The following SASH1 variants were observed in gnomAD, a reference collection of about 807,000 sequenced individuals.
SASH1 encodes SAM and SH3 domain-containing protein 1.
SASH1 carries 44 observed loss-of-function variants against 125.2 expected under a neutral mutation model. That is an observed-to-expected ratio of 0.35 (90% CI 0.28 to 0.45). The LOEUF is 0.45. SASH1 is among the 20% of genes least tolerant of loss of function. The pLI is 1.00. For synonymous variants in SASH1, 639 were observed against 649.1 expected, an observed-to-expected ratio of 0.98 and a Z score of 0.24; for missense variants, 1,426 against 1,614.5, an observed-to-expected ratio of 0.88 and a Z score of 2.00.
intron 4 of SASH1, among the ~76,000 whole-genome samples, chr6:148,443,877 G>C (rs768123841): frequency 6.6e-6 from 1 of 152,206 alleles, no homozygotes; most frequent in African/African-American, 2.4e-5. Flanking sequence ...GAGCCTTGCT[G>C]TTGAGTACAG....
chr6:148,420,202 A>G (rs1486886224), intron 2 of SASH1, among the ~76,000 whole-genome samples: 6 of 152,164 alleles, frequency 3.9e-5, no homozygotes, highest in South Asian at 2.1e-4. Context: ...GAATCTTGAT[A>G]GTGTGCGTGT....
the SASH1 span, among the ~76,000 whole-genome samples, chr6:148,266,697 C>A: frequency 4.6e-5 from 7 of 152,134 alleles, no homozygotes; most frequent in Non-Finnish European, 7.3e-5. Context: ...ACTTCCTGGG[C>A]TCAAGTGATC....
chr6:148,531,373 T>A (rs1427540306), intron 12 of SASH1, among the ~76,000 whole-genome samples, 153 bp from the exon 13 acceptor site: 1 of 152,188 alleles, frequency 6.6e-6, no homozygotes, highest in Admixed American at 6.5e-5. Context: ...TAAGCGAGGA[T>A]GTAAGTTTAA....
chr6:148,487,193 C>A (rs1412782297), intron 7 of SASH1, among the ~76,000 whole-genome samples: 1 of 149,804 alleles, frequency 6.7e-6, no homozygotes, highest in Non-Finnish European at 1.5e-5. Flanking sequence ...TTTTCTCTTC[C>A]TAAAAAGGGC....
chr6:148,287,957 T>C (rs1779530042), intron 1 of SASH1, among the ~76,000 whole-genome samples: 1 of 152,176 alleles, frequency 6.6e-6, no homozygotes, highest in Admixed American at 6.5e-5. Context: ...GGGCTTGAGT[T>C]TTGTAAGAAA....
chr6:148,399,134 G>A (rs1031967215), intron 2 of SASH1, among the ~76,000 whole-genome samples: 2 of 152,050 alleles, frequency 1.3e-5, no homozygotes, highest in Non-Finnish European at 2.9e-5. Flanking sequence ...GGAAACCACC[G>A]GGTTGGCTGT....
chr6:148,230,805 T>G, the SASH1 span, among the ~76,000 whole-genome samples: 1 of 152,228 alleles, frequency 6.6e-6, no homozygotes. Context: ...TTGGATCTTT[T>G]GCCCATCTTA....
intron 1 of SASH1, among the ~76,000 whole-genome samples, chr6:148,275,752 C>T (rs1465701300): frequency 6.6e-6 from 1 of 152,204 alleles, no homozygotes; most frequent in Non-Finnish European, 1.5e-5. Context: ...CGTGTGGTCT[C>T]ACTCTGTCAC....
chr6:148,517,964 A>ACTT (rs1355788536), intron 9 of SASH1, among the ~76,000 whole-genome samples: 1 of 152,166 alleles, frequency 6.6e-6, no homozygotes, highest in Non-Finnish European at 1.5e-5. Context: ...ACCACGCTCG[A>ACTT]CTTCTTTAAT....
intron 1 of SASH1, among the ~76,000 whole-genome samples, chr6:148,315,520 G>A (rs1362356021): frequency 6.6e-6 from 1 of 152,098 alleles, no homozygotes; most frequent in African/African-American, 2.4e-5. Flanking sequence ...AGGTAACCCC[G>A]CTAGTTGATC....
chr6:148,234,075 T>C, the SASH1 span, among the ~76,000 whole-genome samples: 1 of 151,968 alleles, frequency 6.6e-6, no homozygotes, highest in African/African-American at 2.4e-5. Flanking sequence ...TCTCACTCTG[T>C]AGCCCAGGCT....
intron 8 of SASH1, among the ~76,000 whole-genome samples, chr6:148,488,775 T>A (rs2115211685): frequency 6.6e-6 from 1 of 152,358 alleles, no homozygotes. Flanking sequence ...TTGTGTATCA[T>A]CTTTGTAGAA....
At chr6:148,463,879 C>A (rs1042825486) in intron 4 of SASH1, among the ~76,000 whole-genome samples, 1 of 152,174 alleles carries the variant, frequency 6.6e-6, no homozygotes, top group African/African-American at 2.4e-5. Context: ...TGTCCCATCA[C>A]CTCAACTTCT....
the SASH1 span, among the ~76,000 whole-genome samples, chr6:148,206,110 TA>T: frequency 6.6e-6 from 1 of 152,206 alleles, no homozygotes; most frequent in South Asian, 2.1e-4. Context: ...CTTTGCCATT[TA>T]TTTTTTTCCT....
At chr6:148,484,804 G>A (rs943123612) in intron 7 of SASH1, among the ~76,000 whole-genome samples, 1 of 152,104 alleles carries the variant, frequency 6.6e-6, no homozygotes, top group Non-Finnish European at 1.5e-5. Context: ...TTAGCTGGAT[G>A]TGGTGCCATG....
intron 8 of SASH1, chr6:148,513,186 A>G (rs1780247794): frequency 5.1e-6 from 5 of 985,440 alleles, no homozygotes; most frequent in Non-Finnish European, 6.0e-6. Flanking sequence ...AAGTCTCTAC[A>G]TTAGATTTGT....
chr6:148,306,693 C>A (rs1780137568), intron 1 of SASH1, among the ~76,000 whole-genome samples: 1 of 152,150 alleles, frequency 6.6e-6, no homozygotes, highest in Non-Finnish European at 1.5e-5. Context: ...CAAGATTCTC[C>A]CGAGCTGAGA....
the SASH1 span, among the ~76,000 whole-genome samples, chr6:148,267,278 C>T: frequency 6.6e-6 from 1 of 151,978 alleles, no homozygotes; most frequent in Non-Finnish European, 1.5e-5. Flanking sequence ...ATTAGAAGCA[C>T]CCGGAAGCTT....
At chr6:148,440,324 T>G in intron 3 of SASH1, 34 bp from the exon 4 acceptor site, 2 of 1,612,984 alleles carry the variant, frequency 1.2e-6, no homozygotes, top group South Asian at 2.2e-5. Context: ...CCTGCTGCTC[T>G]GACCACACTG....
Sources: allele counts gnomAD v4.1 joint callset (sites outside exome capture counted in the v4.1 genomes callset), GRCh38; gene constraint gnomAD v4.1.1; transcripts MANE v1.5; gene names NCBI Gene and HGNC (gene_info 2026-07-23, HGNC 2026-07-21).